The following NWD2 variants were observed in gnomAD, a reference collection of about 807,000 sequenced individuals.
NWD2 encodes NACHT and WD repeat domain containing 2.
In NWD2, 37 loss-of-function variants were observed where a neutral mutation model predicts 132.7. That is an observed-to-expected ratio of 0.28 (90% CI 0.21 to 0.37). The LOEUF is 0.37. Ranked by LOEUF, NWD2 falls within the 10% of genes least tolerant of loss-of-function variation. The pLI, the probability that NWD2 is intolerant of heterozygous loss-of-function variation, is 1.00. For missense variants in NWD2, 1,592 were observed against 2,122.4 expected (o/e 0.75, Z 4.91); for synonymous variants, 705 against 803.0 (o/e 0.88, Z 2.06).
chr4:37,338,447 A>G (rs543164369), intron 2 of NWD2, among the ~76,000 whole-genome samples: 1 of 152,368 alleles, frequency 6.6e-6, no homozygotes, highest in African/African-American at 2.4e-5. Context: ...GATGAGCACA[A>G]AATAAAGTTC....
chr4:37,433,769 A>G (rs1712239795), intron 4 of NWD2, 107 bp from the exon 5 acceptor site: 1 of 743,840 alleles, frequency 1.3e-6, no homozygotes, highest in African/African-American at 1.8e-5. Context: ...CACCTATCAT[A>G]GTATTGGCAC....
At chr4:37,335,884 G>A (rs1212252461) in intron 2 of NWD2, among the ~76,000 whole-genome samples, 1 of 148,846 alleles carries the variant, frequency 6.7e-6, no homozygotes, top group African/African-American at 2.5e-5. Flanking sequence ...ATAAATGGTG[G>A]TTGATCGATT....
chr4:37,309,455 G>T (rs1718783436), intron 1 of NWD2, among the ~76,000 whole-genome samples: 1 of 152,158 alleles, frequency 6.6e-6, no homozygotes, highest in Non-Finnish European at 1.5e-5. Flanking sequence ...CAGCCCTGTA[G>T]CCTTCTGGAT....
intron 3 of NWD2, among the ~76,000 whole-genome samples, chr4:37,366,883 A>G (rs1268038141): frequency 6.6e-6 from 1 of 152,200 alleles, no homozygotes; most frequent in Non-Finnish European, 1.5e-5. Flanking sequence ...TACAGTCATA[A>G]TTGGAGATAT....
chr4:37,287,020 G>A (rs1718246932), intron 1 of NWD2, among the ~76,000 whole-genome samples: 1 of 152,158 alleles, frequency 6.6e-6, no homozygotes, highest in Non-Finnish European at 1.5e-5. Flanking sequence ...TCCATGGAGA[G>A]GAAGGAAGAG....
chr4:37,301,440 T>A (rs1718610226), intron 1 of NWD2, among the ~76,000 whole-genome samples: 1 of 152,070 alleles, frequency 6.6e-6, no homozygotes, highest in Admixed American at 6.5e-5. Context: ...TCCATTTTTT[T>A]TCTGGAATTC....
At chr4:37,343,029 G>A (rs1719561251) in intron 2 of NWD2, among the ~76,000 whole-genome samples, 1 of 152,154 alleles carries the variant, frequency 6.6e-6, no homozygotes, top group South Asian at 2.1e-4. Flanking sequence ...CTAGTAAAAT[G>A]TAGCCATTGA....
Position 37,418,882 on chromosome 4 carries a change from C to T in NWD2, c.358-11690C>T, listed in dbSNP as rs866678414. ...GATCACCATTCTAACTGGTGTAAGA[C>T]GGTATCTCATTGTCGTTTTGATTTA... On this transcript the variant is annotated intron_variant, in intron 3 of 6. Transcript: ENST00000309447. 1.2e-4 allele frequency among the ~76,000 whole-genome samples: 18 copies of T among 151,978 alleles called. No homozygotes were observed. The East Asian group carries it at 1.7e-3, about 15-fold the overall frequency.
At chr4:37,312,007 G>T (rs1271147178) in intron 1 of NWD2, among the ~76,000 whole-genome samples, 21 of 151,940 alleles carry the variant, frequency 1.4e-4, no homozygotes, top group East Asian at 7.8e-4. Context: ...TTGGTACCAG[G>T]ACCATGCTGT....
chr4:37,311,691 G>A (rs1030773477), intron 1 of NWD2, among the ~76,000 whole-genome samples: 1 of 148,720 alleles, frequency 6.7e-6, no homozygotes, highest in Admixed American at 6.6e-5. Context: ...TTTTAAACAT[G>A]AAGTCCTTGC....
intron 1 of NWD2, among the ~76,000 whole-genome samples, chr4:37,246,000 T>C (rs1717237100): frequency 6.6e-6 from 1 of 152,164 alleles, no homozygotes; most frequent in South Asian, 2.1e-4. Flanking sequence ...TTCCAGTCCT[T>C]AGTCCTCAAC....
At chr4:37,333,716 A>G (rs7434368) in intron 2 of NWD2, among the ~76,000 whole-genome samples, 23,563 of 152,084 alleles carry the variant, frequency 0.15, 2,309 homozygotes, top group South Asian at 0.32. Context: ...GATCTCCCCA[A>G]ATGAGTTCAG....
chr4:37,340,042 C>T (rs6844872), intron 2 of NWD2, among the ~76,000 whole-genome samples: 5,212 of 150,314 alleles, frequency 0.035, 292 homozygotes, highest in African/African-American at 0.12. Context: ...TTTGATAAGT[C>T]TTCATATAAT....
At chr4:37,293,122 A>G (rs894928641) in intron 1 of NWD2, among the ~76,000 whole-genome samples, 2 of 152,200 alleles carry the variant, frequency 1.3e-5, no homozygotes, top group Non-Finnish European at 2.9e-5. Context: ...TTTTCAACAA[A>G]ATGTTTTATT....
chr4:37,392,774 C>T (rs17421722), intron 3 of NWD2, among the ~76,000 whole-genome samples: 23,154 of 152,190 alleles, frequency 0.15, 2,240 homozygotes, highest in Non-Finnish European at 0.2. Flanking sequence ...ATAAATGCCT[C>T]TGAGTGAAGA....
intron 2 of NWD2, among the ~76,000 whole-genome samples, chr4:37,355,097 A>T (rs1719846328): frequency 6.6e-6 from 1 of 152,202 alleles, no homozygotes; most frequent in African/African-American, 2.4e-5. Context: ...GCTACTGAGC[A>T]CTTGAGGAAC....
At chr4:37,276,481 T>C (rs1485086846) in intron 1 of NWD2, among the ~76,000 whole-genome samples, 15 of 152,176 alleles carry the variant, frequency 9.9e-5, no homozygotes, top group Non-Finnish European at 1.5e-5. Context: ...GGAACACTTT[T>C]ACACTGTTGG....
intron 1 of NWD2, among the ~76,000 whole-genome samples, chr4:37,303,223 A>G (rs1354291838): frequency 6.6e-6 from 1 of 152,000 alleles, no homozygotes; most frequent in Non-Finnish European, 1.5e-5. Context: ...TCCCCATTGT[A>G]TGTTCTGTTC....
chr4:37,406,630 G>A (rs1267552790), intron 3 of NWD2, among the ~76,000 whole-genome samples: 1 of 152,184 alleles, frequency 6.6e-6, no homozygotes, highest in African/African-American at 2.4e-5. Context: ...GAGTGTGGTG[G>A]CTCACACCTG....
Sources: gnomAD v4.1 joint callset for allele counts (sites outside exome capture counted in the v4.1 genomes callset) on GRCh38, gnomAD v4.1.1 for gene constraint, MANE v1.5 for transcripts, NCBI Gene and HGNC (gene_info 2026-07-23, HGNC 2026-07-21) for gene names.